Variants in FAF1 observed in about 807,000 individuals in gnomAD.
FAF1 encodes the protein Fas associated factor 1.
In FAF1, 25 loss-of-function variants were observed where a neutral mutation model predicts 92.5. The ratio of observed to expected loss-of-function variants is 0.27; its 90% CI spans 0.20 to 0.38. FAF1 has a LOEUF of 0.38. FAF1 is among the 10% of genes least tolerant of loss of function. The pLI is 1.00. For synonymous variants in FAF1, 234 were observed against 273.2 expected (o/e 0.86, Z 1.42); for missense variants, 636 against 793.3 (o/e 0.80, Z 2.38).
intron 17 of FAF1, among the ~76,000 whole-genome samples, chr1:50,476,790 C>A (rs938567040): frequency 2.0e-5 from 3 of 149,130 alleles, no homozygotes; most frequent in Admixed American, 6.6e-5. Flanking sequence ...AATTTAAAAG[C>A]TAGTGAAAAA....
chr1:50,748,306 C>G (rs201255813), intron 4 of FAF1, among the ~76,000 whole-genome samples: 1 of 150,938 alleles, frequency 6.6e-6, no homozygotes, highest in African/African-American at 2.4e-5. Context: ...GACCAGCCTG[C>G]CCAACATGGT....
intron 1 of FAF1, among the ~76,000 whole-genome samples, chr1:50,891,470 G>A (rs1342689745): frequency 6.6e-6 from 1 of 152,110 alleles, no homozygotes; most frequent in Non-Finnish European, 1.5e-5. Context: ...TTTCTGCTCT[G>A]GTTTCTTGCC....
intron 8 of FAF1, among the ~76,000 whole-genome samples, chr1:50,650,537 T>C (rs1345626915): frequency 1.3e-5 from 2 of 152,028 alleles, no homozygotes; most frequent in African/African-American, 4.8e-5. Context: ...TAAGAATCAC[T>C]TGAACCTGGG....
intron 12 of FAF1, among the ~76,000 whole-genome samples, chr1:50,569,507 T>C (rs1018956408): frequency 6.6e-6 from 1 of 152,076 alleles, no homozygotes; most frequent in African/African-American, 2.4e-5. Context: ...CCTGGCACCA[T>C]TAACAAATTC....
intron 1 of FAF1, among the ~76,000 whole-genome samples, chr1:50,873,068 G>A (rs748917777): frequency 9.9e-5 from 15 of 152,092 alleles, no homozygotes; most frequent in Non-Finnish European, 1.3e-4. Context: ...ACCTATCAAC[G>A]TTGAGGCAAG....
At chr1:50,756,319 A>G (rs1324467193) in intron 4 of FAF1, among the ~76,000 whole-genome samples, 2 of 147,424 alleles carry the variant, frequency 1.4e-5, no homozygotes, top group East Asian at 3.8e-4. Context: ...TGCTGCCAGC[A>G]TCTTTGCTAA....
chr1:50,445,958 G>C (rs1646222736), intron 18 of FAF1, among the ~76,000 whole-genome samples: 1 of 152,164 alleles, frequency 6.6e-6, no homozygotes, highest in African/African-American at 2.4e-5. Context: ...TTAGCAGACT[G>C]AAATTTCATA....
At chr1:50,795,916 A>G (rs1008112911) in intron 3 of FAF1, among the ~76,000 whole-genome samples, 3 of 152,132 alleles carry the variant, frequency 2.0e-5, no homozygotes, top group Admixed American at 6.5e-5. Flanking sequence ...ACTATGGACT[A>G]TGACTGGAGC....
At chr1:50,901,048 G>T (rs141502540) in intron 1 of FAF1, among the ~76,000 whole-genome samples, 81 of 152,142 alleles carry the variant, frequency 5.3e-4, no homozygotes, top group African/African-American at 1.7e-3. Context: ...AAAGTAGATA[G>T]AAAAATATGG....
chr1:50,834,282 C>T lies in FAF1; in HGVS notation c.114+23647G>A, dbSNP rs530690777. On this transcript the variant is annotated intron_variant, in intron 2 of 18. Transcript: ENST00000396153. ...GCAGAACTGTAAGCCAATTAAATTTCGTTTCTTTATAAATTACCCCATCTC... is the reference window on the plus strand; with the variant it reads ...GCAGAACTGTAAGCCAATTAAATTTTGTTTCTTTATAAATTACCCCATCTC... Among the ~76,000 whole-genome samples the T allele has an allele frequency of 2.1e-4, 32 of 152,290 alleles. No homozygotes were observed. In the East Asian group the frequency reaches 4.8e-3, roughly 23 times the overall value.
At chr1:50,480,335 G>C (rs1280943026) in intron 17 of FAF1, among the ~76,000 whole-genome samples, 5 of 152,082 alleles carry the variant, frequency 3.3e-5, no homozygotes, top group African/African-American at 1.2e-4. Flanking sequence ...AAGAATCAAA[G>C]ACTGCCTTAA....
intron 17 of FAF1, among the ~76,000 whole-genome samples, chr1:50,488,402 G>C (rs1646790950): frequency 6.6e-6 from 1 of 152,180 alleles, no homozygotes; most frequent in Non-Finnish European, 1.5e-5. Flanking sequence ...TTTAGATCCA[G>C]AACACTGAGT....
chr1:50,617,745 T>C (rs1652994946), intron 8 of FAF1, among the ~76,000 whole-genome samples: 2 of 151,544 alleles, frequency 1.3e-5, no homozygotes, highest in Admixed American at 1.3e-4. Flanking sequence ...CCAGTTCTTC[T>C]TTAGGTGTCT....
chr1:50,569,839 A>G (rs532625223), intron 12 of FAF1, among the ~76,000 whole-genome samples: 3 of 152,234 alleles, frequency 2.0e-5, no homozygotes, highest in African/African-American at 7.2e-5. Flanking sequence ...GAAACCCAAC[A>G]TGCAGAGTTC....
intron 1 of FAF1, among the ~76,000 whole-genome samples, chr1:50,868,856 T>C (rs1021849004): frequency 1.3e-4 from 20 of 152,206 alleles, no homozygotes; most frequent in Admixed American, 8.5e-4. Context: ...TGCATATAAA[T>C]GTGTATTCTA....
intron 18 of FAF1, among the ~76,000 whole-genome samples, chr1:50,442,329 G>C (rs1018333056): frequency 9.9e-5 from 15 of 152,184 alleles, no homozygotes; most frequent in African/African-American, 3.1e-4. Context: ...TAGTGGAAAC[G>C]ACACAGGCTT....
intron 4 of FAF1, among the ~76,000 whole-genome samples, chr1:50,765,155 A>G (rs1660515293): frequency 6.6e-6 from 1 of 152,236 alleles, no homozygotes; most frequent in South Asian, 2.1e-4. Flanking sequence ...ACTCAAACCT[A>G]AGTAAGCAAT....
At chr1:50,886,202 T>A (rs1471751460) in intron 1 of FAF1, among the ~76,000 whole-genome samples, 1 of 152,228 alleles carries the variant, frequency 6.6e-6, no homozygotes, top group African/African-American at 2.4e-5. Flanking sequence ...TGATATCTTA[T>A]TGCTCATTAT....
chr1:50,567,356 G>C, intron 12 of FAF1, 125 bp from the exon 13 acceptor site: 2 of 605,094 alleles, frequency 3.3e-6, no homozygotes, highest in Admixed American at 6.8e-5. Context: ...TTCCCTAAGA[G>C]AGTACTTTAC....
Sources: gnomAD v4.1 joint callset for allele counts (sites outside exome capture counted in the v4.1 genomes callset) on GRCh38, gnomAD v4.1.1 for gene constraint, MANE v1.5 for transcripts, NCBI Gene and HGNC (gene_info 2026-07-23, HGNC 2026-07-21) for gene names.